CCDC3: variants seen among roughly 807,000 people sequenced by gnomAD.
CCDC3 encodes coiled-coil domain containing 3.
CCDC3 carries 24 observed loss-of-function variants against 21.4 expected under a neutral mutation model. The observed-to-expected ratio is 1.12, with a 90% CI of 0.81 to 1.58. The LOEUF (loss-of-function observed/expected upper bound fraction) is 1.58, where lower values mean the gene tolerates loss of function less well. Among genes scored for constraint, CCDC3 ranks in the 40% most tolerant of loss-of-function variants. CCDC3 has a pLI of 0.00. For missense variants in CCDC3, 425 were observed against 360.9 expected (o/e 1.18, Z -1.44); for synonymous variants, 186 against 166.0 (o/e 1.12, Z -0.93).
chr10:13,083,009 G>A (rs1231849262), intron 3 of CCDC3, among the ~76,000 whole-genome samples: 3 of 152,100 alleles, frequency 2.0e-5, no homozygotes, highest in African/African-American at 4.8e-5. Context: ...GCACCTGGAT[G>A]GCTTGCTGCC....
intron 5 of CCDC3, among the ~76,000 whole-genome samples, chr10:13,007,229 C>G (rs1221554042): frequency 6.6e-6 from 1 of 152,116 alleles, no homozygotes; most frequent in African/African-American, 2.4e-5. Context: ...TGGCAGGTGG[C>G]TGTGCAGGTC....
chr10:13,040,687 T>A (rs1836441456), intron 5 of CCDC3, among the ~76,000 whole-genome samples: 1 of 142,752 alleles, frequency 7.0e-6, no homozygotes, highest in South Asian at 2.3e-4. Context: ...CAAAACTCTG[T>A]CACACACACA....
intron 2 of CCDC3, among the ~76,000 whole-genome samples, chr10:12,943,158 T>A (rs1458898283): frequency 6.6e-6 from 1 of 152,184 alleles, no homozygotes; most frequent in Non-Finnish European, 1.5e-5. Context: ...AAAAAATGAA[T>A]CCAAAATACC....
At chr10:12,908,612 CTT>C (rs764071462) in intron 2 of CCDC3, among the ~76,000 whole-genome samples, 17 of 139,274 alleles carry the variant, frequency 1.2e-4, no homozygotes, top group South Asian at 2.3e-4. Context: ...TGTGATTTTT[CTT>C]TTTTTTTTTT....
chr10:13,071,325 A>G (rs1836880285), intron 4 of CCDC3, among the ~76,000 whole-genome samples: 1 of 152,160 alleles, frequency 6.6e-6, no homozygotes, highest in South Asian at 2.1e-4. Flanking sequence ...TTTTGTCCCA[A>G]ATTCAATTCC....
chr10:12,989,918 A>C (rs1835654814), intron 2 of CCDC3, among the ~76,000 whole-genome samples: 1 of 151,872 alleles, frequency 6.6e-6, no homozygotes, highest in East Asian at 1.9e-4. Flanking sequence ...CTTCAGTGCC[A>C]TGTGCAAGCA....
intron 2 of CCDC3, among the ~76,000 whole-genome samples, chr10:12,903,270 C>T (rs998637988): frequency 1.3e-5 from 2 of 152,204 alleles, no homozygotes; most frequent in African/African-American, 4.8e-5. Context: ...CCTCTGGCAT[C>T]CCAGCTATCA....
intron 2 of CCDC3, among the ~76,000 whole-genome samples, chr10:12,919,603 A>AG (rs1371231045): frequency 6.6e-5 from 10 of 151,616 alleles, no homozygotes; most frequent in African/African-American, 2.2e-4. Context: ...AAAAAAAAAA[A>AG]AGAAATGAGT....
chr10:12,902,349 G>A (rs555420884), intron 2 of CCDC3, among the ~76,000 whole-genome samples: 1 of 152,312 alleles, frequency 6.6e-6, no homozygotes, highest in South Asian at 2.1e-4. Flanking sequence ...GTGGGCATGA[G>A]AAATTCCCGG....
chr10:13,074,280 C>T (rs1364637564), intron 3 of CCDC3, among the ~76,000 whole-genome samples: 20 of 147,964 alleles, frequency 1.4e-4, no homozygotes, highest in Admixed American at 1.3e-3. Context: ...GCCTCAGCCT[C>T]CCGAGTAGCT....
chr10:12,965,605 T>G (rs1835251447), intron 2 of CCDC3, among the ~76,000 whole-genome samples: 1 of 152,242 alleles, frequency 6.6e-6, no homozygotes, highest in Admixed American at 6.5e-5. Flanking sequence ...ATATCTTTTC[T>G]TAAACACTAA....
At position 12,997,070 on chromosome 10, in the gene CCDC3, A is replaced by C. The variant is rs146045935; in HGVS notation, c.549+1268T>G. On this transcript the variant is annotated intron_variant, in intron 2 of 2. Transcript: ENST00000378825. The stretch of plus-strand genomic sequence containing the variant: ...ACCTACACACGTACCCCCTGAACCT[A>C]AAATAAAAGTTGGAAGGAAAACAAA... Among the ~76,000 whole-genome samples, 64 of 152,192 alleles carry C rather than the reference A, an allele frequency of 4.2e-4. 1 individual carries two copies. Among genetic ancestry groups the C allele is most frequent in the South Asian group, 1.7e-3 (8 of 4,808 alleles).
chr10:13,059,690 C>T (rs1042185599), intron 4 of CCDC3, among the ~76,000 whole-genome samples: 3 of 152,250 alleles, frequency 2.0e-5, no homozygotes, highest in Middle Eastern at 3.4e-3. Flanking sequence ...GTGCTCTAAA[C>T]TGACCACGAA....
At position 13,063,222 on chromosome 10, in the gene CCDC3, T is replaced by C. The variant is rs572755355; in HGVS notation, c.-270+10646A>G. On this transcript the variant is annotated intron_variant, in intron 4 of 6. Transcript: ENST00000378839. ...CTCTGTGTGAATTACTCTTTCTCTATTGCAGTTCCCCTGTCTTGATTTATC... is the reference window on the plus strand; with the variant it reads ...CTCTGTGTGAATTACTCTTTCTCTACTGCAGTTCCCCTGTCTTGATTTATC... Among the ~76,000 whole-genome samples the C allele has an allele frequency of 6.3e-5, 4 of 63,758 alleles. No individual in the cohort carries two copies. The East Asian group carries it at 1.7e-3, about 28-fold the overall frequency. The allele number at this position is 63,758 out of a possible 152,430, so 41.8% of individuals were successfully genotyped here.
intron 2 of CCDC3, among the ~76,000 whole-genome samples, chr10:12,913,184 T>G (rs764850118): frequency 6.6e-6 from 1 of 152,238 alleles, no homozygotes; most frequent in Non-Finnish European, 1.5e-5. Context: ...TCTGGTAGTA[T>G]AGACACTTTA....
rs543173382 is a variant in CCDC3, at chr10:13,028,305, C to T, written c.-2+21369G>A. Among the ~76,000 whole-genome samples the T allele has an allele frequency of 2.6e-3, 391 of 152,286 alleles. 1 individual carries two copies. Among genetic ancestry groups the T allele is most frequent in the Non-Finnish European group, 4.3e-3 (293 of 68,026 alleles). ...TGCCACCATGTAAGATGTGCCCTTG[C>T]TCCTCCTTCACCTTCTGACATGATT... On this transcript the variant is annotated intron_variant, in intron 5 of 6. Transcript: ENST00000378839.
At chr10:13,004,982 T>C (rs140485340), upstream of CCDC3, among the ~76,000 whole-genome samples, 309 of 152,300 alleles carry the variant, frequency 2.0e-3, 1 homozygote, top group Middle Eastern at 6.8e-3. Context: ...TTCATTCACC[T>C]CTTCCCAAGA....
Position 12,938,889 on chromosome 10 carries a change from T to C in CCDC3, c.550-40210A>G, listed in dbSNP as rs536338131. 3.3e-5 allele frequency among the ~76,000 whole-genome samples: 5 copies of C among 152,350 alleles called. No individual in the cohort carries two copies. The South Asian group carries it at 1.0e-3, about 32-fold the overall frequency. On this transcript the variant is annotated intron_variant, in intron 2 of 2. Transcript: ENST00000378825. ...CATGGGTGAATGAATCAAGGATCCA[T>C]AACCTCACCTGCGTTCTGGTCCATA...
intron 5 of CCDC3, among the ~76,000 whole-genome samples, chr10:13,009,075 T>C (rs619967): frequency 0.81 from 123,017 of 151,886 alleles, 50,618 homozygotes; most frequent in Non-Finnish European, 0.88. Context: ...TCAAGTTTAA[T>C]AAGTGGAATA....
Sources: allele counts gnomAD v4.1 joint callset (sites outside exome capture counted in the v4.1 genomes callset), GRCh38; gene constraint gnomAD v4.1.1; transcripts MANE v1.5; gene names NCBI Gene and HGNC (gene_info 2026-07-23, HGNC 2026-07-21).